The following DARS1 variants were observed in gnomAD, a reference collection of about 807,000 sequenced individuals.
DARS1 encodes aspartate--tRNA ligase, cytoplasmic.
Under a neutral mutation model 68.8 loss-of-function variants are expected in DARS1, and 51 were observed. The observed-to-expected ratio is 0.74, with a 90% CI of 0.59 to 0.94. The LOEUF (loss-of-function observed/expected upper bound fraction) is 0.94. DARS1 is among the 40% of genes least tolerant of loss of function. The pLI is 0.00. For missense variants in DARS1, 607 were observed against 597.3 expected (o/e 1.02, Z -0.17); for synonymous variants, 203 against 190.4 (o/e 1.07, Z -0.55).
At chr2:135,962,641 G>C (rs1265364211) in intron 3 of DARS1, among the ~76,000 whole-genome samples, 1 of 152,178 alleles carries the variant, frequency 6.6e-6, no homozygotes, top group East Asian at 1.9e-4. Flanking sequence ...TGACTTTAGA[G>C]TCATATATGA....
At chr2:135,971,242 C>T (rs888086608) in intron 3 of DARS1, among the ~76,000 whole-genome samples, 12 of 152,232 alleles carry the variant, frequency 7.9e-5, no homozygotes, top group Admixed American at 5.2e-4. Context: ...GATCATTCAT[C>T]GTGACCAAGT....
Position 135,906,759 on chromosome 2 carries a change from C to G in DARS1, c.*557G>C, listed in dbSNP as rs1680788720. 2.0e-5 allele frequency: 3 copies of G among 152,090 alleles called. No individual in the cohort carries two copies. The highest frequency in any genetic ancestry group is 7.2e-5 in the African/African-American group (3 of 41,406). 9.4% of individuals were successfully genotyped at this position (152,090 alleles called of 1,614,324 possible). A position where few individuals can be genotyped will look rare whatever the true frequency, so the allele number is the denominator to read the frequency against. ...AATATTACACTGAATACTTTCTAACCAGTAGTTTAGCTTTACATAATTTCT... is the reference window on the plus strand; with the variant it reads ...AATATTACACTGAATACTTTCTAACGAGTAGTTTAGCTTTACATAATTTCT... On this transcript the variant is annotated 3_prime_UTR_variant, in exon 16 of 16. Transcript: ENST00000264161.
Position 135,909,184 on chromosome 2 carries a change from T to C in DARS1, c.1415-1777A>G, listed in dbSNP as rs114428384. 7.5e-3 allele frequency among the ~76,000 whole-genome samples: 1,143 copies of C among 152,224 alleles called. 11 individuals carry two copies. The highest frequency in any genetic ancestry group is 0.026 in the African/African-American group (1,077 of 41,498). ...GGAAAAAGAGCAATGCATGCAGGGC[T>C]TCATACCTAGGTGATGGGTTGACAG... On this transcript the variant is annotated intron_variant, in intron 15 of 15. Transcript: ENST00000264161.
At chr2:135,952,761 C>T (rs1681871118) in intron 4 of DARS1, among the ~76,000 whole-genome samples, 1 of 152,206 alleles carries the variant, frequency 6.6e-6, no homozygotes, top group Non-Finnish European at 1.5e-5. Flanking sequence ...CACACTTTAT[C>T]CATTCATCTG....
chr2:135,940,420 C>T (rs1386573187), intron 5 of DARS1, among the ~76,000 whole-genome samples: 1 of 152,194 alleles, frequency 6.6e-6, no homozygotes, highest in African/African-American at 2.4e-5. Flanking sequence ...ACATGATTAT[C>T]TCAATAGATG....
chr2:135,984,114 T>C (rs1470093377), intron 1 of DARS1, among the ~76,000 whole-genome samples: 2 of 152,192 alleles, frequency 1.3e-5, no homozygotes, highest in African/African-American at 4.8e-5. Flanking sequence ...ACAGAAGACC[T>C]AGGGTCCAAT....
intron 9 of DARS1, among the ~76,000 whole-genome samples, chr2:135,921,999 A>G (rs1420628674): frequency 6.6e-6 from 1 of 152,258 alleles, no homozygotes; most frequent in Non-Finnish European, 1.5e-5. Flanking sequence ...CATATATAAA[A>G]TAACTTGGTA....
chr2:135,985,676 C>G, upstream of DARS1: 2 of 1,300,276 alleles, frequency 1.5e-6, no homozygotes, highest in East Asian at 2.6e-5. Context: ...CGGCCGCGCG[C>G]AGGGTCTCCT....
chr2:135,943,569 A>T lies in DARS1; in HGVS notation c.321-89T>A, dbSNP rs533132362. The T allele has an allele frequency of 1.5e-4, 234 of 1,530,430 alleles. 2 individuals are homozygous for T. In the Middle Eastern group the frequency reaches 1.6e-3, roughly 10 times the overall value. 94.8% of individuals were successfully genotyped at this position (1,530,430 alleles called of 1,614,324 possible). A position where few individuals can be genotyped will look rare whatever the true frequency, so the allele number is the denominator to read the frequency against. On this transcript the variant is annotated intron_variant, in intron 4 of 15. Transcript: ENST00000264161. ...TTTCAGCAGTAAAGCTGAATATGTT[A>T]AACTCTTTTTTAATACAGTAAGCCA...
intron 3 of DARS1, among the ~76,000 whole-genome samples, chr2:135,978,502 G>C (rs1682551668): frequency 6.6e-6 from 1 of 152,214 alleles, no homozygotes; most frequent in African/African-American, 2.4e-5. Context: ...CAAACTTGCA[G>C]GGATGATCAA....
chr2:135,923,727 A>G (rs981115435), intron 8 of DARS1, among the ~76,000 whole-genome samples: 1 of 152,228 alleles, frequency 6.6e-6, no homozygotes, highest in South Asian at 2.1e-4. Context: ...TCATACAAGA[A>G]TAAGAATTAG....
intron 12 of DARS1, 65 bp from the exon 13 acceptor site, chr2:135,912,631 A>AT: frequency 3.1e-6 from 2 of 654,786 alleles, no homozygotes; most frequent in Non-Finnish European, 5.3e-6. Context: ...CATTTTGGTA[A>AT]TTAACTTTAT....
intron 4 of DARS1, among the ~76,000 whole-genome samples, chr2:135,955,673 CTTTTTTTTTT>C (rs75123258): frequency 0.04 from 2,466 of 61,346 alleles, 124 homozygotes; most frequent in African/African-American, 0.17. Context: ...AAATAAAAAT[CTTTTTTTTTT>C]TTTTTTTTTT....
chr2:135,941,638 CA>C (rs1371695643), intron 5 of DARS1, among the ~76,000 whole-genome samples: 7 of 149,918 alleles, frequency 4.7e-5, no homozygotes, highest in Non-Finnish European at 8.9e-5. Context: ...GCAATGGCAA[CA>C]AAAGCCAAAA....
intron 3 of DARS1, among the ~76,000 whole-genome samples, chr2:135,973,402 A>G (rs1348089915): frequency 6.6e-6 from 1 of 152,124 alleles, no homozygotes; most frequent in African/African-American, 2.4e-5. Flanking sequence ...AGAGAATAGA[A>G]AGATAGTTAA....
At chr2:135,925,397 T>A (rs554698915) in intron 7 of DARS1, among the ~76,000 whole-genome samples, 1 of 152,352 alleles carries the variant, frequency 6.6e-6, no homozygotes, top group African/African-American at 2.4e-5. Context: ...AGGTGTCTTC[T>A]TAGTCTCATT....
intron 3 of DARS1, among the ~76,000 whole-genome samples, chr2:135,970,511 T>C (rs1682346978): frequency 6.6e-6 from 1 of 151,810 alleles, no homozygotes; most frequent in Admixed American, 6.6e-5. Flanking sequence ...ATTATAAGTA[T>C]CTACCTAAAA....
chr2:135,979,320 A>T lies in DARS1; in HGVS notation c.171T>A (p.Asp57Glu), dbSNP rs747934762. The T allele has an allele frequency of 6.5e-7, 1 of 1,532,766 alleles. No individual in the cohort carries two copies. Among genetic ancestry groups the T allele is most frequent in the Admixed American group, 1.7e-5 (1 of 59,926 alleles). The allele number at this position is 1,532,766 out of a possible 1,614,324, so 94.9% of individuals were successfully genotyped here. A position where few individuals can be genotyped will look rare whatever the true frequency, so the allele number is the denominator to read the frequency against. ...RVRDLTIQKA[D>E]EVVWVRARVH... ...CTCTTGCACGTACCCAAACAACTTC[A>T]TCAGCTTTTTGTATTGTCAAGTCTC... Residue 57 changes from aspartate to glutamate, a missense_variant, in exon 3 of 16, where the codon GAT becomes GAA. Coordinates refer to ENST00000264161, the MANE Select transcript of DARS1 (RefSeq NM_001349.4).
intron 7 of DARS1, among the ~76,000 whole-genome samples, chr2:135,932,009 AAG>A (rs1681363792): frequency 1.3e-5 from 2 of 152,266 alleles, no homozygotes; most frequent in Admixed American, 1.3e-4. Context: ...AGGTAGTATC[AAG>A]AGGACTTTGG....
Sources: gnomAD v4.1 joint callset for allele counts (sites outside exome capture counted in the v4.1 genomes callset) on GRCh38, gnomAD v4.1.1 for gene constraint, MANE v1.5 for transcripts, NCBI Gene and HGNC (gene_info 2026-07-23, HGNC 2026-07-21) for gene names.